Variants in RBFOX1 observed in about 807,000 individuals in gnomAD.
RBFOX1 encodes RNA binding fox-1 homolog 1, also known as RNA binding protein fox-1 homolog 1.
In RBFOX1, 8 loss-of-function variants were observed where a neutral mutation model predicts 57.7. The ratio of observed to expected loss-of-function variants is 0.14; its 90% confidence interval spans 0.08 to 0.25. The LOEUF is 0.25. Among genes scored for constraint, RBFOX1 ranks in the 10% least tolerant of loss-of-function variants. RBFOX1 has a pLI of 1.00. For missense variants in RBFOX1, 611 were observed against 548.5 expected, an observed-to-expected ratio of 1.11 and a Z score of -1.14; for synonymous variants, 326 against 222.4, an observed-to-expected ratio of 1.47 and a Z score of -4.15.
intron 5 of RBFOX1, among the ~76,000 whole-genome samples, chr16:7,540,346 G>C (rs192789198): frequency 1.3e-5 from 2 of 152,292 alleles, no homozygotes; most frequent in Non-Finnish European, 1.5e-5. Context: ...TCGGCAATGT[G>C]GCTGAGAGAG....
intron 5 of RBFOX1, among the ~76,000 whole-genome samples, chr16:7,528,892 C>G (rs2079306710): frequency 6.6e-6 from 1 of 152,186 alleles, no homozygotes; most frequent in Admixed American, 6.5e-5. Flanking sequence ...AATGCTAGAG[C>G]TGGGAGAGCC....
rs534461966 is a variant in RBFOX1, at chr16:7,051,657, C to A, written c.-15-400C>A. On this transcript the variant is annotated intron_variant, in intron 3 of 15. Transcript: ENST00000550418. ...CATTGGAGAAGACTTTGTGTGTTTT[C>A]CACTGACTTATCATGACCATCTGGA... 9.2e-5 allele frequency among the ~76,000 whole-genome samples: 14 copies of A among 152,286 alleles called. No individual in the cohort carries two copies. In the South Asian group the frequency reaches 2.7e-3, roughly 29 times the overall value.
At chr16:5,627,556 G>C (rs1193134994) in intron 3 of RBFOX1, among the ~76,000 whole-genome samples, 1 of 152,058 alleles carries the variant, frequency 6.6e-6, no homozygotes, top group Non-Finnish European at 1.5e-5. Flanking sequence ...CAAACCTTCA[G>C]TAGAGAAGCG....
intron 13 of RBFOX1, among the ~76,000 whole-genome samples, chr16:7,672,865 C>CAAAA (rs56693228): frequency 0.13 from 5,391 of 42,814 alleles, 1,607 homozygotes; most frequent in Middle Eastern, 0.25. Flanking sequence ...GACTCCATCT[C>CAAAA]AAAAAAAAAA....
At chr16:6,310,514 T>C (rs1297599934) in intron 1 of RBFOX1, among the ~76,000 whole-genome samples, 1 of 152,214 alleles carries the variant, frequency 6.6e-6, no homozygotes, top group Non-Finnish European at 1.5e-5. Context: ...TTAGCTGTAG[T>C]GTCCTCACAT....
chr16:5,936,607 G>A (rs2059173583), intron 4 of RBFOX1, among the ~76,000 whole-genome samples: 1 of 152,194 alleles, frequency 6.6e-6, no homozygotes, highest in Non-Finnish European at 1.5e-5. Flanking sequence ...TGGAGACACA[G>A]GTCAGATTGA....
At position 6,520,746 on chromosome 16, in the gene RBFOX1, G is replaced by A. The variant is rs139996381; in HGVS notation, c.-63-133857G>A. Among the ~76,000 whole-genome samples, 20 of 152,234 alleles carry A rather than the reference G, an allele frequency of 1.3e-4. No homozygotes were observed. The South Asian group carries it at 2.5e-3, about 19-fold the overall frequency. On this transcript the variant is annotated intron_variant, in intron 2 of 15. Coordinates refer to ENST00000550418, the MANE Select transcript of RBFOX1 (RefSeq NM_018723.4). ...TAGAACCTCTAAGTGGCTTCGTTTC[G>A]ATCAAGTGCCAGTCCCTTGATTTGG... is the stretch of plus-strand genomic sequence containing the variant.
At chr16:5,403,480 G>A (rs962945582) in intron 1 of RBFOX1, among the ~76,000 whole-genome samples, 24 of 152,152 alleles carry the variant, frequency 1.6e-4, no homozygotes, top group African/African-American at 5.8e-4. Flanking sequence ...GTGTCACTGT[G>A]CTGCCCAGGC....
chr16:6,417,161 G>A (rs917489284), intron 2 of RBFOX1, among the ~76,000 whole-genome samples: 25 of 151,690 alleles, frequency 1.6e-4, no homozygotes, highest in African/African-American at 5.1e-4. Context: ...ACAGGTGTGC[G>A]CCACCATGCC....
chr16:6,217,497 A>T (rs904142676), intron 1 of RBFOX1, among the ~76,000 whole-genome samples: 1 of 152,118 alleles, frequency 6.6e-6, no homozygotes, highest in Non-Finnish European at 1.5e-5. Context: ...CCAGGGAAAT[A>T]AGGAGCATGG....
In RBFOX1 at chr16:6,081,373, T is replaced by C. The variant is rs143595193; in HGVS notation, c.-127+61381T>C. On this transcript the variant is annotated intron_variant, in intron 1 of 15. Transcript: ENST00000550418. ...AACATTCCGGAGTTCAGGTCTCTGT[T>C]ATCTTGTTTCTCTGTCGGATGCCTG... 3.9e-4 allele frequency among the ~76,000 whole-genome samples: 59 copies of C among 152,344 alleles called. No homozygotes were observed. In the East Asian group the frequency reaches 0.01, roughly 26 times the overall value.
chr16:5,848,491 C>A (rs781007580), intron 3 of RBFOX1, among the ~76,000 whole-genome samples: 1 of 152,054 alleles, frequency 6.6e-6, no homozygotes, highest in Non-Finnish European at 1.5e-5. Flanking sequence ...TCCATGGACT[C>A]CAGGTTAAGA....
chr16:6,780,584 TTA>T (rs998887450), intron 3 of RBFOX1, among the ~76,000 whole-genome samples: 4 of 140,494 alleles, frequency 2.8e-5, no homozygotes, highest in South Asian at 4.3e-4. Context: ...ATATATATAT[TTA>T]TATATATATT....
At chr16:6,057,161 TAG>T (rs2095624699) in intron 1 of RBFOX1, 1 of 152,140 alleles carries the variant, frequency 6.6e-6, no homozygotes, top group African/African-American at 2.4e-5. Flanking sequence ...TGGATTGTGT[TAG>T]AGAGTAAATT....
intron 2 of RBFOX1, among the ~76,000 whole-genome samples, chr16:5,553,063 A>T (rs887675356): frequency 2.0e-5 from 3 of 152,128 alleles, no homozygotes; most frequent in Admixed American, 2.0e-4. Flanking sequence ...GTTCTCATTC[A>T]TAGGTGGGAA....
chr16:7,611,795 T>C (rs961449044), intron 10 of RBFOX1, among the ~76,000 whole-genome samples: 1 of 152,142 alleles, frequency 6.6e-6, no homozygotes, highest in Non-Finnish European at 1.5e-5. Flanking sequence ...TTCTAATGTA[T>C]TTTGGATGGT....
chr16:5,260,706 A>G (rs1268368949), intron 1 of RBFOX1: 1 of 152,272 alleles, frequency 6.6e-6, no homozygotes, highest in African/African-American at 2.4e-5. Flanking sequence ...CAGCACCGAC[A>G]TTGGCCTTTG....
chr16:5,481,359 T>C (rs2069534792), intron 2 of RBFOX1, among the ~76,000 whole-genome samples: 1 of 152,210 alleles, frequency 6.6e-6, no homozygotes, highest in Non-Finnish European at 1.5e-5. Context: ...GGAACTAAAA[T>C]AGGCTGCGCT....
intron 14 of RBFOX1, among the ~76,000 whole-genome samples, chr16:7,707,996 C>G (rs952151695): frequency 5.3e-5 from 8 of 152,256 alleles, no homozygotes; most frequent in Admixed American, 3.3e-4. Context: ...GCAGGGCAAA[C>G]AAGTATGGGC....
Sources: allele counts gnomAD v4.1 joint callset (sites outside exome capture counted in the v4.1 genomes callset), GRCh38; gene constraint gnomAD v4.1.1; transcripts MANE v1.5; gene names NCBI Gene and HGNC (gene_info 2026-07-23, HGNC 2026-07-21).